Variants in VPS13B observed in about 807,000 individuals in gnomAD.
VPS13B encodes the protein vacuolar protein sorting 13 homolog B.
Under a neutral mutation model 426.4 loss-of-function variants are expected in VPS13B, and 285 were observed. The observed-to-expected ratio is 0.67, with a 90% confidence interval of 0.61 to 0.74. VPS13B has a LOEUF of 0.74. Among genes scored for constraint, VPS13B ranks in the 30% least tolerant of loss-of-function variants. VPS13B has a pLI of 0.00. For synonymous variants in VPS13B, 1,676 were observed against 1,676.4 expected (o/e 1.00, Z 0.01); for missense variants, 4,537 against 4,782.6 (o/e 0.95, Z 1.51).
intron 5 of VPS13B, among the ~76,000 whole-genome samples, chr8:99,105,146 C>G (rs141799713): frequency 2.6e-5 from 4 of 152,240 alleles, no homozygotes; most frequent in African/African-American, 9.6e-5. Flanking sequence ...TCACATTTAA[C>G]AAAAGGAGAG....
chr8:99,676,535 C>A (rs755803304), intron 35 of VPS13B, among the ~76,000 whole-genome samples: 3 of 151,726 alleles, frequency 2.0e-5, no homozygotes, highest in Non-Finnish European at 2.9e-5. Context: ...TTCTAGTTCC[C>A]CCAAGCAGAC....
chr8:99,485,906 T>C lies in VPS13B; in HGVS notation c.3870+4104T>C, dbSNP rs534546990. On this transcript the variant is annotated intron_variant, in intron 25 of 61. Coordinates refer to ENST00000357162, the MANE Select transcript of VPS13B (RefSeq NM_152564.5). ...TTTTAAAATAATTGGTTTATAGTCC[T>C]TTTAGATTTCTTAACTCCATTTATT... Among the ~76,000 whole-genome samples the C allele has an allele frequency of 6.6e-5, 10 of 152,358 alleles. No individual in the cohort carries two copies. In the East Asian group the frequency reaches 1.7e-3, roughly 26 times the overall value.
intron 4 of VPS13B, among the ~76,000 whole-genome samples, chr8:99,097,211 G>A (rs1025322331): frequency 6.6e-6 from 1 of 152,126 alleles, no homozygotes; most frequent in African/African-American, 2.4e-5. Context: ...TCTTATTAAT[G>A]TATCAATCCA....
intron 54 of VPS13B, among the ~76,000 whole-genome samples, chr8:99,840,398 T>A (rs1212566076): frequency 6.6e-6 from 1 of 152,230 alleles, no homozygotes; most frequent in African/African-American, 2.4e-5. Flanking sequence ...AATCACTTTT[T>A]AAAAAATTGT....
chr8:99,743,133 C>T (rs200163203), intron 39 of VPS13B, among the ~76,000 whole-genome samples: 3 of 152,272 alleles, frequency 2.0e-5, no homozygotes, highest in Admixed American at 6.5e-5. Context: ...CAAAGTCTCA[C>T]GATACAAAAT....
chr8:99,844,042 AAC>A (rs1452346339), intron 54 of VPS13B, among the ~76,000 whole-genome samples: 1 of 152,202 alleles, frequency 6.6e-6, no homozygotes, highest in Admixed American at 6.5e-5. Context: ...AAGTCAATAT[AAC>A]AGTTAAGTTT....
chr8:99,305,139 T>C (rs751056754), intron 19 of VPS13B, among the ~76,000 whole-genome samples: 3 of 152,124 alleles, frequency 2.0e-5, no homozygotes, highest in Non-Finnish European at 2.9e-5. Context: ...ATTTACAAAT[T>C]CGCTTCCCAA....
chr8:99,342,368 T>C (rs1426199249), intron 19 of VPS13B, among the ~76,000 whole-genome samples: 1 of 152,246 alleles, frequency 6.6e-6, no homozygotes, highest in Non-Finnish European at 1.5e-5. Context: ...TCTGAAGCTT[T>C]GTACTCTTTG....
intron 17 of VPS13B, among the ~76,000 whole-genome samples, chr8:99,240,605 A>G (rs894953802): frequency 6.6e-6 from 1 of 152,192 alleles, no homozygotes; most frequent in Admixed American, 6.5e-5. Flanking sequence ...AGTTACAACA[A>G]TTTCCAAACA....
intron 21 of VPS13B, among the ~76,000 whole-genome samples, chr8:99,394,179 G>A (rs1277733934): frequency 6.6e-6 from 1 of 152,064 alleles, no homozygotes; most frequent in Non-Finnish European, 1.5e-5. Flanking sequence ...TTACAGTGGA[G>A]AAATGTTAAT....
chr8:99,458,739 A>G (rs866553721), intron 23 of VPS13B, among the ~76,000 whole-genome samples: 3 of 152,242 alleles, frequency 2.0e-5, no homozygotes, highest in Middle Eastern at 3.4e-3. Context: ...GTCTGTTCAT[A>G]TCCTTCGCCC....
intron 33 of VPS13B, among the ~76,000 whole-genome samples, chr8:99,591,846 C>T (rs181822217): frequency 2.9e-3 from 439 of 152,130 alleles, no homozygotes; most frequent in Admixed American, 4.0e-3. Context: ...TTGCTCTTCT[C>T]GAGGAGTATC....
chr8:99,167,603 C>A (rs937228168), intron 15 of VPS13B, among the ~76,000 whole-genome samples: 7 of 151,866 alleles, frequency 4.6e-5, no homozygotes, highest in African/African-American at 1.7e-4. Context: ...AAGTAAGTTG[C>A]CATATAATGT....
chr8:99,855,978 G>A (rs868368811), intron 56 of VPS13B, among the ~76,000 whole-genome samples: 8 of 152,186 alleles, frequency 5.3e-5, no homozygotes, highest in African/African-American at 9.6e-5. Context: ...AAGCAGGCAC[G>A]TAGGTTACTG....
intron 17 of VPS13B, among the ~76,000 whole-genome samples, chr8:99,250,908 CT>C (rs71273169): frequency 0.46 from 70,071 of 151,254 alleles, 17,558 homozygotes; most frequent in Middle Eastern, 0.59. Context: ...AGTTTTATAT[CT>C]TTTTTTCTGT....
At chr8:99,747,297 A>T (rs1810139318) in intron 39 of VPS13B, among the ~76,000 whole-genome samples, 1 of 152,196 alleles carries the variant, frequency 6.6e-6, no homozygotes, top group East Asian at 1.9e-4. Flanking sequence ...AAAAAAAAAA[A>T]AAGTTTTAAT....
In VPS13B at chr8:99,642,479, C is replaced by T. The variant is rs761911534; in HGVS notation, c.5889C>T (p.Ala1963=). The T allele has an allele frequency of 5.0e-6, 8 of 1,613,190 alleles. No individual in the cohort carries two copies. In the East Asian group the frequency reaches 1.8e-4, roughly 36 times the overall value. The change falls in exon 34 of 62, where the codon GCC becomes GCT. Residue 1963 remains alanine, a synonymous_variant. Transcript: ENST00000357162. ...SIFDAVLKGV[A]SDYKCIDPGK... The stretch of plus-strand genomic sequence containing the variant: ...TTGATGCTGTGCTTAAAGGGGTGGC[C>T]TCTGATTACAAATGTATAGGTAAGA...
rs138763200 is a variant in VPS13B at position 99,713,390 on chromosome 8, G to C, written c.6455-3781G>C. Among the ~76,000 whole-genome samples, 962 of 151,274 alleles carry C rather than the reference G, an allele frequency of 6.4e-3. 8 individuals are homozygous for C. Among genetic ancestry groups the C allele is most frequent in the African/African-American group, 0.022 (904 of 41,164 alleles). On this transcript the variant is annotated intron_variant, in intron 36 of 61. Transcript: ENST00000357162. ...TTCTTAGTTCTTTTGCTTTAATTTT[G>C]ACCACTCCAAGTGATGTTTTAAGGT...
intron 23 of VPS13B, among the ~76,000 whole-genome samples, chr8:99,454,738 T>A (rs1045180543): frequency 5.3e-5 from 8 of 152,146 alleles, no homozygotes; most frequent in African/African-American, 1.9e-4. Context: ...GGCCATACAA[T>A]TTTGCATTCC....
Sources: allele counts gnomAD v4.1 joint callset (sites outside exome capture counted in the v4.1 genomes callset), GRCh38; gene constraint gnomAD v4.1.1; transcripts MANE v1.5; gene names NCBI Gene and HGNC (gene_info 2026-07-23, HGNC 2026-07-21).